ELF1: variants seen among roughly 807,000 people sequenced by gnomAD.
The protein encoded by ELF1 is ETS-related transcription factor Elf-1.
A neutral mutation model predicts 59.9 loss-of-function variants in ELF1; 24 were observed. The ratio of observed to expected loss-of-function variants is 0.40; its 90% CI spans 0.29 to 0.56. ELF1 has a LOEUF of 0.56. Among genes scored for constraint, ELF1 ranks in the 20% least tolerant of loss-of-function variants. The pLI, the probability that ELF1 is intolerant of heterozygous loss-of-function variation, is 0.44. For synonymous variants in ELF1, 248 were observed against 266.2 expected (o/e 0.93, Z 0.67); for missense variants, 627 against 742.2 (o/e 0.84, Z 1.80).
chr13:41,051,781 A>C (rs907162572), intron 1 of ELF1, among the ~76,000 whole-genome samples: 1 of 152,220 alleles, frequency 6.6e-6, no homozygotes, highest in Admixed American at 6.5e-5. Context: ...AAAATGTTTT[A>C]AGTCAAAGGT....
At chr13:41,036,292 T>G (rs1304374851) in intron 1 of ELF1, among the ~76,000 whole-genome samples, 3 of 152,222 alleles carry the variant, frequency 2.0e-5, no homozygotes, top group African/African-American at 7.2e-5. Context: ...GATTTTAGAC[T>G]CTGGCTTTAT....
chr13:40,953,947 C>A (rs945322954), intron 3 of ELF1, among the ~76,000 whole-genome samples: 17 of 152,302 alleles, frequency 1.1e-4, no homozygotes, highest in Admixed American at 5.9e-4. Context: ...AGAAACACTC[C>A]TTCCGGAAAG....
intron 1 of ELF1, among the ~76,000 whole-genome samples, chr13:41,005,028 G>A (rs1874660382): frequency 1.3e-5 from 2 of 152,170 alleles, no homozygotes; most frequent in Admixed American, 1.3e-4. Flanking sequence ...TGGTTTAACT[G>A]ACAGGAAGCA....
chr13:40,969,040 T>C (rs1378988565), intron 2 of ELF1, among the ~76,000 whole-genome samples: 1 of 152,128 alleles, frequency 6.6e-6, no homozygotes, highest in Non-Finnish European at 1.5e-5. Flanking sequence ...TATTATAAAA[T>C]AAAAAGCAGT....
At chr13:41,003,982 A>C (rs1874605465) in intron 1 of ELF1, among the ~76,000 whole-genome samples, 1 of 152,180 alleles carries the variant, frequency 6.6e-6, no homozygotes, top group African/African-American at 2.4e-5. Context: ...CCTGTAGAAA[A>C]GATTCACATT....
intron 1 of ELF1, among the ~76,000 whole-genome samples, chr13:41,031,251 G>A (rs1026916365): frequency 2.0e-5 from 3 of 151,862 alleles, no homozygotes; most frequent in African/African-American, 4.8e-5. Flanking sequence ...TGTCAATTTT[G>A]TACAAGTCTG....
At chr13:41,042,939 C>T (rs1330464046) in intron 1 of ELF1, among the ~76,000 whole-genome samples, 1 of 152,170 alleles carries the variant, frequency 6.6e-6, no homozygotes, top group Non-Finnish European at 1.5e-5. Context: ...AAAAGTGTTC[C>T]TATTTCTCCA....
chr13:40,951,238 A>T, intron 4 of ELF1, 91 bp downstream of exon 4: 1 of 1,063,814 alleles, frequency 9.4e-7, no homozygotes, highest in South Asian at 1.8e-5. Flanking sequence ...AATATATAAC[A>T]TCATTTCTAA....
intron 3 of ELF1, among the ~76,000 whole-genome samples, chr13:40,953,343 C>T (rs780401621): frequency 6.6e-5 from 10 of 152,188 alleles, no homozygotes; most frequent in Non-Finnish European, 1.3e-4. Context: ...TGTTGACATG[C>T]TAACCCCCAG....
At chr13:41,056,723 A>C (rs1249742104) in intron 1 of ELF1, among the ~76,000 whole-genome samples, 1 of 152,212 alleles carries the variant, frequency 6.6e-6, no homozygotes, top group African/African-American at 2.4e-5. Context: ...ATAAACAGAA[A>C]CAAATAAACA....
intron 2 of ELF1, among the ~76,000 whole-genome samples, chr13:40,980,572 T>TTCTC (rs35986029): frequency 6.6e-6 from 1 of 152,162 alleles, no homozygotes; most frequent in East Asian, 1.9e-4. Context: ...TAAAATTCAC[T>TTCTC]TCTCTCATGT....
chr13:40,970,104 T>C (rs943517366), intron 2 of ELF1, among the ~76,000 whole-genome samples: 2 of 152,228 alleles, frequency 1.3e-5, no homozygotes, highest in African/African-American at 2.4e-5. Flanking sequence ...TCAAATGATA[T>C]AGCAAATCCT....
chr13:40,942,503 G>A (rs1277214805), intron 7 of ELF1, among the ~76,000 whole-genome samples: 1 of 152,076 alleles, frequency 6.6e-6, no homozygotes, highest in African/African-American at 2.4e-5. Context: ...TATCATACTT[G>A]CAATTCATGT....
chr13:41,005,450 C>CA (rs11383900), intron 1 of ELF1, among the ~76,000 whole-genome samples: 23,750 of 54,426 alleles, frequency 0.44, 3,710 homozygotes, highest in South Asian at 0.56. Flanking sequence ...TATACCTATC[C>CA]AAAAAAAAAA....
chr13:40,989,970 G>A (rs1297374053), intron 1 of ELF1, among the ~76,000 whole-genome samples: 2 of 152,114 alleles, frequency 1.3e-5, no homozygotes, highest in African/African-American at 4.8e-5. Context: ...TTGTATTCAT[G>A]CATTTAAAAC....
chr13:41,033,017 A>G (rs1011581715), intron 1 of ELF1, among the ~76,000 whole-genome samples: 4 of 152,164 alleles, frequency 2.6e-5, no homozygotes, highest in South Asian at 2.1e-4. Flanking sequence ...TTAGCCCCCA[A>G]AATGATTTTT....
At chr13:41,021,575 T>C (rs931988994), upstream of ELF1, among the ~76,000 whole-genome samples, 1 of 152,210 alleles carries the variant, frequency 6.6e-6, no homozygotes, top group African/African-American at 2.4e-5. Context: ...CCAGCTCTGC[T>C]ACCTATTAGC....
chr13:41,050,478 A>G (rs1219804152), intron 1 of ELF1, among the ~76,000 whole-genome samples: 3 of 152,250 alleles, frequency 2.0e-5, no homozygotes, highest in Non-Finnish European at 4.4e-5. Context: ...AAGAACATAC[A>G]AATATCTCTG....
At chr13:40,959,347 T>C (rs1232266948) in intron 2 of ELF1, among the ~76,000 whole-genome samples, 1 of 151,690 alleles carries the variant, frequency 6.6e-6, no homozygotes, top group African/African-American at 2.4e-5. Context: ...AATACAAAAA[T>C]TAGCTGGGCA....
Sources: allele counts gnomAD v4.1 joint callset (sites outside exome capture counted in the v4.1 genomes callset), GRCh38; gene constraint gnomAD v4.1.1; transcripts MANE v1.5; gene names NCBI Gene and HGNC (gene_info 2026-07-23, HGNC 2026-07-21).